Variants in TUBA1C observed in about 807,000 individuals in gnomAD.
TUBA1C encodes the protein tubulin alpha 1c.
TUBA1C carries 16 observed loss-of-function variants against 34.9 expected under a neutral mutation model. The ratio of observed to expected loss-of-function variants is 0.46; its 90% CI spans 0.31 to 0.70. The LOEUF is 0.70. Ranked by LOEUF, TUBA1C falls within the 30% of genes least tolerant of loss-of-function variation. TUBA1C has a pLI of 0.05. For synonymous variants in TUBA1C, 177 were observed against 215.9 expected (o/e 0.82, Z 1.58); for missense variants, 329 against 587.3 (o/e 0.56, Z 4.55).
chr12:49,256,422 G>A (rs752615069), intron 1 of TUBA1C: 2 of 455,288 alleles, frequency 4.4e-6, no homozygotes, highest in Non-Finnish European at 8.8e-6. Flanking sequence ...CTGTCCCTTG[G>A]GTTCCGTACA....
chr12:49,229,189 C>T (rs1011169012), intron 1 of TUBA1C, among the ~76,000 whole-genome samples: 3 of 152,002 alleles, frequency 2.0e-5, no homozygotes, highest in African/African-American at 4.8e-5. Flanking sequence ...TTTTTGCGTG[C>T]GTGTGACAGA....
chr12:49,263,122 C>T (rs1448973192), upstream of TUBA1C, among the ~76,000 whole-genome samples: 1 of 147,234 alleles, frequency 6.8e-6, no homozygotes, highest in African/African-American at 2.5e-5. Context: ...CTCCCAGGTT[C>T]AAGTAATTCT....
chr12:49,231,538 A>G (rs1272876766), intron 1 of TUBA1C, among the ~76,000 whole-genome samples: 1 of 152,226 alleles, frequency 6.6e-6, no homozygotes, highest in African/African-American at 2.4e-5. Flanking sequence ...ATATAAAGGA[A>G]GTGCGAAACA....
At chr12:49,247,595 C>T (rs1351152425) in intron 1 of TUBA1C, among the ~76,000 whole-genome samples, 1 of 151,370 alleles carries the variant, frequency 6.6e-6, no homozygotes, top group Non-Finnish European at 1.5e-5. Flanking sequence ...CAGAGCGAGA[C>T]TCTGTCTCAA....
intron 1 of TUBA1C, among the ~76,000 whole-genome samples, chr12:49,259,738 T>G (rs886084793): frequency 1.3e-5 from 2 of 152,218 alleles, no homozygotes; most frequent in Non-Finnish European, 2.9e-5. Flanking sequence ...CGGTTTCACC[T>G]CTAAGTTTCC....
At chr12:49,248,867 CA>C (rs201685193) in intron 1 of TUBA1C, among the ~76,000 whole-genome samples, 3,033 of 60,710 alleles carry the variant, frequency 0.05, 50 homozygotes, top group African/African-American at 0.14. Flanking sequence ...GACTCCCTCT[CA>C]AAAAAAAAAA....
At chr12:49,246,504 C>G (rs1942669306) in intron 1 of TUBA1C, among the ~76,000 whole-genome samples, 2 of 151,288 alleles carry the variant, frequency 1.3e-5, no homozygotes, top group South Asian at 2.1e-4. Flanking sequence ...ACGGTGAAAC[C>G]CCGTCTCTAC....
Position 49,269,865 on chromosome 12 carries a change from C to T in TUBA1C, c.264C>T (p.His88=). Residue 88 remains histidine (H), a synonymous_variant, in exon 3 of 4, where the codon CAC becomes CAT. Transcript: ENST00000301072. ...VRTGTYRQLF[H]PEQLITGKED... is the part of the protein sequence containing the mutation. ...CTGGCACTTACCGCCAGCTCTTCCACCCTGAGCAACTCATCACAGGCAAGG... is the reference window on the plus strand; with the variant it reads ...CTGGCACTTACCGCCAGCTCTTCCATCCTGAGCAACTCATCACAGGCAAGG... The T allele has an allele frequency of 6.2e-7, 1 of 1,614,170 alleles. No homozygotes were observed. Among genetic ancestry groups the T allele is most frequent in the Middle Eastern group, 1.7e-4 (1 of 6,040 alleles).
intron 1 of TUBA1C, among the ~76,000 whole-genome samples, chr12:49,242,124 G>A (rs971251584): frequency 2.6e-5 from 4 of 151,688 alleles, no homozygotes; most frequent in African/African-American, 9.7e-5. Context: ...CGAGTAACTG[G>A]GATTACAGGT....
At chr12:49,265,048 G>C (rs1162027662), upstream of TUBA1C, 9 of 1,250,760 alleles carry the variant, frequency 7.2e-6, no homozygotes, top group South Asian at 8.5e-5. Flanking sequence ...CGGGGACCGG[G>C]TATATAAGGC....
intron 1 of TUBA1C, among the ~76,000 whole-genome samples, chr12:49,238,459 T>G (rs1942580557): frequency 6.6e-6 from 1 of 152,042 alleles, no homozygotes; most frequent in Non-Finnish European, 1.5e-5. Context: ...GAGCCTCGGA[T>G]CCCACGAGGA....
intron 1 of TUBA1C, among the ~76,000 whole-genome samples, chr12:49,238,763 C>T (rs1419701925): frequency 6.6e-6 from 1 of 151,958 alleles, no homozygotes; most frequent in Non-Finnish European, 1.5e-5. Context: ...AGCCACCACA[C>T]CTGGCTACAA....
chr12:49,272,124 G>A, intron 3 of TUBA1C, 129 bp from the exon 4 acceptor site: 1 of 1,471,780 alleles, frequency 6.8e-7, no homozygotes, highest in Non-Finnish European at 9.0e-7. Context: ...CACTGCGCCT[G>A]GCCCAGAAGA....
At chr12:49,254,070 G>A (rs1014589799) in intron 1 of TUBA1C, among the ~76,000 whole-genome samples, 6 of 151,972 alleles carry the variant, frequency 3.9e-5, no homozygotes, top group African/African-American at 1.5e-4. Context: ...CCAGCAGTTT[G>A]GGAGGCCGAG....
chr12:49,265,231 G>T, intron 1 of TUBA1C, 47 bp downstream of exon 1: 1 of 1,546,632 alleles, frequency 6.5e-7, no homozygotes. Flanking sequence ...CGTCCCAGGG[G>T]ACGGCGGGCC....
At chr12:49,265,965 A>AAC (rs1185405094) in intron 1 of TUBA1C, among the ~76,000 whole-genome samples, 1 of 140,110 alleles carries the variant, frequency 7.1e-6, no homozygotes, top group African/African-American at 2.7e-5. Context: ...TTTAAAAAAA[A>AAC]AAAAAAACAA....
Position 49,269,454 on chromosome 12 carries a change from T to G in TUBA1C, c.4-11T>G. The G allele has an allele frequency of 6.2e-7, 1 of 1,614,122 alleles. No individual in the cohort carries two copies. Among genetic ancestry groups the G allele is most frequent in the Non-Finnish European group, 8.5e-7 (1 of 1,180,034 alleles). On this transcript the variant is annotated splice_polypyrimidine_tract_variant and intron_variant, in intron 1 of 3. Transcript: ENST00000301072. ...ATTATACCCTGACATTTTCCTTTCT[T>G]CCTCCCACAGCGTGAGTGCATCTCC...
In TUBA1C at chr12:49,229,461, C is replaced by A. The variant is rs542876677; in HGVS notation, c.213+1295C>A. The stretch of plus-strand genomic sequence containing the variant: ...GTGCTGGCATTACAGGCGTGAGCCA[C>A]CACACCCAGTCTATTTTTTAACAGC... On this transcript the variant is annotated intron_variant, in intron 1 of 3. Coordinates refer to the TUBA1C transcript ENST00000541364. 7.2e-5 allele frequency among the ~76,000 whole-genome samples: 11 copies of A among 152,264 alleles called. No individual in the cohort carries two copies. The South Asian group carries it at 2.1e-3, about 29-fold the overall frequency.
intron 1 of TUBA1C, among the ~76,000 whole-genome samples, chr12:49,243,634 C>A (rs1565640855): frequency 3.9e-5 from 6 of 152,030 alleles, no homozygotes. Flanking sequence ...TATTTTGAGA[C>A]AGAGTCTTGC....
Sources: gnomAD v4.1 joint callset for allele counts (sites outside exome capture counted in the v4.1 genomes callset) on GRCh38, gnomAD v4.1.1 for gene constraint, MANE v1.5 for transcripts, NCBI Gene and HGNC (gene_info 2026-07-23, HGNC 2026-07-21) for gene names.